Variants in ZNF738 observed in about 807,000 individuals in gnomAD.
ZNF738 encodes the protein protein ZNF738.
In ZNF738, 10 loss-of-function variants were observed where a neutral mutation model predicts 9.2. The observed-to-expected ratio is 1.09, with a 90% CI of 0.67 to 1.85. The LOEUF is 1.85. Among genes scored for constraint, ZNF738 ranks in the 40% most tolerant of loss-of-function variants. The pLI is 0.00. For synonymous variants in ZNF738, 113 were observed against 94.5 expected, an observed-to-expected ratio of 1.20 and a Z score of -1.14; for missense variants, 346 against 283.6, an observed-to-expected ratio of 1.22 and a Z score of -1.58.
In ZNF738 at chr19:21,386,132, C is replaced by T. The variant is rs1050217382; in HGVS notation, c.*2458C>T. On this transcript the variant is annotated 3_prime_UTR_variant, in exon 5 of 5. Transcript: ENST00000683779. ...TGTGGCAAAGCTTTTAAGAAATCCTCATCCATTACTAAACAAGATAATTTG... is the reference window on the plus strand; with the variant it reads ...TGTGGCAAAGCTTTTAAGAAATCCTTATCCATTACTAAACAAGATAATTTG... Among the ~76,000 whole-genome samples, 10 of 150,828 alleles carry T rather than the reference C, an allele frequency of 6.6e-5. No individual in the cohort carries two copies. The highest frequency in any genetic ancestry group is 2.4e-4 in the African/African-American group (10 of 41,040).
intron 4 of ZNF738, chr19:21,381,309 A>T (rs1422706827): frequency 6.3e-7 from 1 of 1,581,338 alleles, no homozygotes; most frequent in Non-Finnish European, 8.7e-7. Flanking sequence ...TCTTCAACAT[A>T]GTCCATTTCC....
intron 4 of ZNF738, chr19:21,378,062 C>A (rs1226258402): frequency 5.0e-6 from 2 of 397,040 alleles, no homozygotes; most frequent in Non-Finnish European, 8.9e-6. Context: ...TTAAGAGATA[C>A]AATGTATTTC....
In ZNF738 at chr19:21,385,073, G is replaced by C. The variant is rs1974051609; in HGVS notation, c.*1399G>C. Among the ~76,000 whole-genome samples, 1 of 152,152 alleles carries C rather than the reference G, an allele frequency of 6.6e-6. No homozygotes were observed. The highest frequency in any genetic ancestry group is 2.1e-4 in the South Asian group (1 of 4,828). On this transcript the variant is annotated 3_prime_UTR_variant, in exon 5 of 5. Transcript: ENST00000683779. ...TTACTAAAGATAAAAGAGTTTGACT[G>C]GGTGCGGTGGCTCATGCCTGTAATC...
At chr19:21,380,783 AATG>A (rs1973993302) in intron 4 of ZNF738, among the ~76,000 whole-genome samples, 1 of 152,134 alleles carries the variant, frequency 6.6e-6, no homozygotes, top group Non-Finnish European at 1.5e-5. Context: ...GTGGGAAAAC[AATG>A]CACCACCATG....
chr19:21,370,897 AC>A (rs1355699089), intron 2 of ZNF738, among the ~76,000 whole-genome samples: 4 of 152,154 alleles, frequency 2.6e-5, no homozygotes, highest in Non-Finnish European at 4.4e-5. Context: ...TGTACTGAAA[AC>A]CAACAAAAGG....
At chr19:21,361,972 T>C in intron 2 of ZNF738, 114 bp downstream of exon 2, 1 of 588,148 alleles carries the variant, frequency 1.7e-6, no homozygotes, top group East Asian at 3.0e-5. Context: ...TTCCAGCTAC[T>C]CGGGGTTGCT....
rs1974061294 is a variant in ZNF738, at chr19:21,385,896, T to TA, written c.*2223dup. On this transcript the variant is annotated 3_prime_UTR_variant, in exon 5 of 5. Transcript: ENST00000683779. ...AAGGCTTTAATTTGTCCTCAACACT[T>TA]ACTAAACAGAATTCATAGCAGAGAG... Among the ~76,000 whole-genome samples, 1 of 152,130 alleles carries TA rather than the reference T, an allele frequency of 6.6e-6. No homozygotes were observed. The highest frequency in any genetic ancestry group is 2.4e-5 in the African/African-American group (1 of 41,418).
chr19:21,359,308 G>T (rs541367990), intron 1 of ZNF738, among the ~76,000 whole-genome samples, 165 bp downstream of exon 1: 19 of 152,318 alleles, frequency 1.2e-4, no homozygotes, highest in Non-Finnish European at 1.9e-4. Flanking sequence ...ATAAGATGGC[G>T]GTTGCGCCGA....
chr19:21,375,504 C>T, intron 3 of ZNF738, 140 bp downstream of exon 3: 1 of 528,084 alleles, frequency 1.9e-6, no homozygotes, highest in Non-Finnish European at 3.4e-6. Flanking sequence ...GAGGAATTAT[C>T]CATGCAGAAA....
rs867880926 is a variant in ZNF738, at chr19:21,384,159, C to T, written c.*485C>T. The T allele has an allele frequency of 2.7e-5, 39 of 1,456,732 alleles. No individual in the cohort carries two copies. The Middle Eastern group carries it at 7.0e-4, about 26-fold the overall frequency. The allele number at this position is 1,456,732 out of a possible 1,614,324, so 90.2% of individuals were successfully genotyped here. A position where few individuals can be genotyped will look rare whatever the true frequency, so the allele number is the denominator to read the frequency against. On this transcript the variant is annotated 3_prime_UTR_variant, in exon 5 of 5. Coordinates refer to ENST00000683779, the MANE Select transcript of ZNF738 (RefSeq NM_001355237.2). ...TAAGATGATTCATACTGTAGAGAAA[C>T]GCTACAAATGTGAGGAATGTGGCAA...
chr19:21,360,690 G>C (rs942381425), intron 1 of ZNF738: 1 of 152,270 alleles, frequency 6.6e-6, no homozygotes, highest in Non-Finnish European at 1.5e-5. Context: ...CTGACCTCAG[G>C]TGATCCGCCC....
In ZNF738 at chr19:21,359,080, T is replaced by C; in HGVS notation, c.-61T>C. On this transcript the variant is annotated 5_prime_UTR_variant, in exon 1 of 5. Transcript: ENST00000683779. ...CTCCTAGAGGCCCAGCCTCTGGTCCTGTGACCTGCAGGTATTGGGAATCCA... is the reference window on the plus strand; with the variant it reads ...CTCCTAGAGGCCCAGCCTCTGGTCCCGTGACCTGCAGGTATTGGGAATCCA... The C allele has an allele frequency of 4.1e-6, 4 of 966,604 alleles. No homozygotes were observed. Among genetic ancestry groups the C allele is most frequent in the Non-Finnish European group, 5.1e-6 (3 of 592,658 alleles). 59.9% of individuals were successfully genotyped at this position (966,604 alleles called of 1,614,324 possible). A position where few individuals can be genotyped will look rare whatever the true frequency, so the allele number is the denominator to read the frequency against.
intron 2 of ZNF738, among the ~76,000 whole-genome samples, chr19:21,373,731 T>C (rs1973886882): frequency 6.7e-6 from 1 of 148,304 alleles, no homozygotes; most frequent in Non-Finnish European, 1.5e-5. Context: ...CTCCAGAGAA[T>C]GTCATCTGAA....
intron 2 of ZNF738, among the ~76,000 whole-genome samples, chr19:21,363,944 C>G (rs952002594): frequency 1.1e-4 from 16 of 150,930 alleles, no homozygotes; most frequent in Non-Finnish European, 2.1e-4. Flanking sequence ...TGTCTGTAAT[C>G]CCAGCACTTT....
intron 1 of ZNF738, among the ~76,000 whole-genome samples, chr19:21,361,074 G>A (rs7508104): frequency 0.58 from 85,431 of 148,186 alleles, 24,385 homozygotes; most frequent in Middle Eastern, 0.73. Context: ...TTGGCCTCCC[G>A]AAGTGCTGGG....
Position 21,387,706 on chromosome 19 carries a change from AG to A in ZNF738, c.*4034del, listed in dbSNP as rs1974082915. ...CAAGATAAGGGCAATTACTGTCAAA[AG>A]GTCTTTCAGAAAAATATAACCCTTT... On this transcript the variant is annotated 3_prime_UTR_variant, in exon 5 of 5. Transcript: ENST00000683779. 1.3e-5 allele frequency among the ~76,000 whole-genome samples: 2 copies of A among 152,226 alleles called. No individual in the cohort carries two copies. Among genetic ancestry groups the A allele is most frequent in the African/African-American group, 4.8e-5 (2 of 41,462 alleles).
At position 21,387,505 on chromosome 19, in the gene ZNF738, C is replaced by A. The variant is rs1974080811; in HGVS notation, c.*3831C>A. The stretch of plus-strand genomic sequence containing the variant: ...ACTCCCTGCCTTACTTGATTACATT[C>A]AATATAATTCATACTGGAAAGAAAT... On this transcript the variant is annotated 3_prime_UTR_variant, in exon 5 of 5. Transcript: ENST00000683779. Among the ~76,000 whole-genome samples, 1 of 152,072 alleles carries A rather than the reference C, an allele frequency of 6.6e-6. No individual in the cohort carries two copies. The highest frequency in any genetic ancestry group is 1.5e-5 in the Non-Finnish European group (1 of 67,990).
chr19:21,369,543 GTTGA>G, intron 2 of ZNF738, among the ~76,000 whole-genome samples: 1 of 152,250 alleles, frequency 6.6e-6, no homozygotes, highest in East Asian at 1.9e-4. Flanking sequence ...TTCAGGTTGA[GTTGA>G]TTTTTATATA....
chr19:21,378,246 T>C (rs1027071495), intron 4 of ZNF738: 6 of 335,222 alleles, frequency 1.8e-5, no homozygotes, highest in Non-Finnish European at 2.7e-5. Context: ...AAAAATTTCT[T>C]CTGTGCCATT....
Sources: allele counts gnomAD v4.1 joint callset (sites outside exome capture counted in the v4.1 genomes callset), GRCh38; gene constraint gnomAD v4.1.1; transcripts MANE v1.5; gene names NCBI Gene and HGNC (gene_info 2026-07-23, HGNC 2026-07-21).